KCNS3: variants seen among roughly 807,000 people sequenced by gnomAD.
The protein encoded by KCNS3 is delayed-rectifier potassium channel regulatory subunit KCNS3.
Under a neutral mutation model 31.0 loss-of-function variants are expected in KCNS3, and 13 were observed. The observed-to-expected ratio is 0.42, with a 90% CI of 0.27 to 0.67. The LOEUF is 0.67. Ranked by LOEUF, KCNS3 falls within the 30% of genes least tolerant of loss-of-function variation. The probability of loss-of-function intolerance (pLI) is 0.25; values close to 1 mark genes in which losing one functional copy is unlikely to be tolerated. For synonymous variants in KCNS3, 238 were observed against 241.5 expected (o/e 0.99, Z 0.13); for missense variants, 545 against 622.4 (o/e 0.88, Z 1.32).
intron 2 of KCNS3, among the ~76,000 whole-genome samples, chr2:17,930,057 C>T (rs759766450): frequency 5.3e-5 from 8 of 152,146 alleles, no homozygotes; most frequent in South Asian, 2.1e-4. Flanking sequence ...TCTGAGAAAG[C>T]GACCTGGTGT....
At chr2:17,896,208 C>T (rs1248235352) in intron 1 of KCNS3, among the ~76,000 whole-genome samples, 2 of 152,004 alleles carry the variant, frequency 1.3e-5, no homozygotes, top group African/African-American at 4.8e-5. Flanking sequence ...ACATCTGACT[C>T]ATTTTTTATT....
intron 1 of KCNS3, among the ~76,000 whole-genome samples, chr2:17,900,271 C>T (rs1337625042): frequency 6.6e-6 from 1 of 152,124 alleles, no homozygotes; most frequent in Admixed American, 6.6e-5. Flanking sequence ...GTAAACTGTT[C>T]TACTGCATTT....
intron 1 of KCNS3, among the ~76,000 whole-genome samples, chr2:17,880,849 C>T (rs1280157175): frequency 1.3e-5 from 2 of 152,110 alleles, no homozygotes; most frequent in Non-Finnish European, 2.9e-5. Context: ...GTGGGTTTTG[C>T]CCTTCACTGT....
intron 2 of KCNS3, among the ~76,000 whole-genome samples, chr2:17,919,888 C>T (rs1662674227): frequency 1.3e-5 from 2 of 152,082 alleles, no homozygotes; most frequent in African/African-American, 4.8e-5. Context: ...AAGACTCTTA[C>T]CAGGGAGGCA....
chr2:17,908,406 C>T (rs1221562999), intron 1 of KCNS3, among the ~76,000 whole-genome samples: 1 of 152,234 alleles, frequency 6.6e-6, no homozygotes, highest in Non-Finnish European at 1.5e-5. Flanking sequence ...TGGGTTCGAA[C>T]TTCCTCCTTT....
rs5829612 is a variant in KCNS3 at position 17,893,940 on chromosome 2, GTTTT to G, written c.-252+15157_-252+15160del. Among the ~76,000 whole-genome samples the G allele has an allele frequency of 2.9e-3, 282 of 98,898 alleles. 3 individuals carry two copies. The highest frequency in any genetic ancestry group is 0.02 in the Middle Eastern group (3 of 150). 64.9% of individuals were successfully genotyped at this position (98,898 alleles called of 152,430 possible). On this transcript the variant is annotated intron_variant, in intron 1 of 2. Coordinates refer to ENST00000304101, the MANE Select transcript of KCNS3 (RefSeq NM_002252.5). ...CCCTCTGCCATGATCCCAGGAGCCA[GTTTT>G]TTTTTTTTTTTTTTTTTTTTTTAAT...
intron 1 of KCNS3, among the ~76,000 whole-genome samples, chr2:17,884,268 A>AAATATAT (rs1459540269): frequency 2.1e-4 from 10 of 46,678 alleles, no homozygotes; most frequent in African/African-American, 5.5e-4. Context: ...AAAAAAAAAA[A>AAATATAT]ATATATATAT....
chr2:17,882,397 TGAA>T (rs1158411455), intron 1 of KCNS3, among the ~76,000 whole-genome samples: 1 of 152,236 alleles, frequency 6.6e-6, no homozygotes, highest in Non-Finnish European at 1.5e-5. Context: ...ATATTGCTGA[TGAA>T]GAAATTAAGG....
chr2:17,893,257 A>C (rs1661901592), intron 1 of KCNS3, among the ~76,000 whole-genome samples: 1 of 151,910 alleles, frequency 6.6e-6, no homozygotes, highest in Non-Finnish European at 1.5e-5. Flanking sequence ...GGCCGGTCCC[A>C]CTCCCACCCT....
At chr2:17,909,348 C>G (rs1662417267) in intron 1 of KCNS3, among the ~76,000 whole-genome samples, 1 of 152,112 alleles carries the variant, frequency 6.6e-6, no homozygotes, top group African/African-American at 2.4e-5. Flanking sequence ...TTTCCAGGTG[C>G]CATCTGTCAC....
chr2:17,893,753 C>T (rs140088479), intron 1 of KCNS3, among the ~76,000 whole-genome samples: 47 of 152,268 alleles, frequency 3.1e-4, no homozygotes, highest in African/African-American at 9.9e-4. Flanking sequence ...AGTTGGGGCA[C>T]TCACAGTATT....
At chr2:17,918,554 G>T (rs1204397708) in intron 2 of KCNS3, among the ~76,000 whole-genome samples, 1 of 152,148 alleles carries the variant, frequency 6.6e-6, no homozygotes, top group Non-Finnish European at 1.5e-5. Flanking sequence ...ATTTAATTTT[G>T]CCATGCCTGT....
chr2:17,893,400 C>G (rs1431283949), intron 1 of KCNS3, among the ~76,000 whole-genome samples: 1 of 152,230 alleles, frequency 6.6e-6, no homozygotes, highest in South Asian at 2.1e-4. Context: ...GTCTGCATGC[C>G]GGATTAGGAT....
In KCNS3 at chr2:17,922,575, G is replaced by A. The variant is rs377541789; in HGVS notation, c.-60+4704G>A. On this transcript the variant is annotated intron_variant, in intron 2 of 2. Transcript: ENST00000304101. ...AATGGGTTTAATGCAGTGGTTCTTG[G>A]TATATTCATGACTGTACAACTTTCT... is the stretch of plus-strand genomic sequence containing the variant. Among the ~76,000 whole-genome samples the A allele has an allele frequency of 2.4e-4, 37 of 152,084 alleles. 1 individual carries two copies. Among genetic ancestry groups the A allele is most frequent in the East Asian group, 9.7e-4 (5 of 5,176 alleles).
chr2:17,908,143 G>A (rs1662381191), intron 1 of KCNS3, among the ~76,000 whole-genome samples: 1 of 152,130 alleles, frequency 6.6e-6, no homozygotes, highest in South Asian at 2.1e-4. Flanking sequence ...ATATTTCTTG[G>A]AGGCTTTGTT....
In KCNS3 at chr2:17,889,958, T is replaced by G. The variant is rs376845856; in HGVS notation, c.-252+11152T>G. ...GCTTCATAGAATGAATTAGGGAGGA[T>G]TCCTTCTTTCTCTATCTTGTGGAAT... On this transcript the variant is annotated intron_variant, in intron 1 of 2. Coordinates refer to ENST00000304101, the MANE Select transcript of KCNS3 (RefSeq NM_002252.5). 3.3e-5 allele frequency among the ~76,000 whole-genome samples: 5 copies of G among 152,342 alleles called. No homozygotes were observed. The East Asian group carries it at 9.6e-4, about 29-fold the overall frequency.
intron 2 of KCNS3, among the ~76,000 whole-genome samples, chr2:17,930,041 T>G (rs1212939997): frequency 6.6e-6 from 1 of 152,218 alleles, no homozygotes; most frequent in Non-Finnish European, 1.5e-5. Context: ...AAGCTGTTAT[T>G]TTCTCTCTGA....
intron 1 of KCNS3, among the ~76,000 whole-genome samples, chr2:17,911,874 C>T (rs1414715968): frequency 6.6e-6 from 1 of 152,194 alleles, no homozygotes; most frequent in Non-Finnish European, 1.5e-5. Context: ...ACCAGTTTCT[C>T]CATCTGCAAA....
At chr2:17,917,185 A>G (rs1164717061) in intron 1 of KCNS3, among the ~76,000 whole-genome samples, 2 of 152,232 alleles carry the variant, frequency 1.3e-5, no homozygotes, top group African/African-American at 4.8e-5. Flanking sequence ...AAATAAAGCA[A>G]AATTGAATTT....
Sources: allele counts gnomAD v4.1 joint callset (sites outside exome capture counted in the v4.1 genomes callset), GRCh38; gene constraint gnomAD v4.1.1; transcripts MANE v1.5; gene names NCBI Gene and HGNC (gene_info 2026-07-23, HGNC 2026-07-21).